PLEKHH2: variants seen among roughly 807,000 people sequenced by gnomAD.
PLEKHH2 encodes the protein pleckstrin homology, MyTH4 and FERM domain containing H2.
A neutral mutation model predicts 187.9 loss-of-function variants in PLEKHH2; 129 were observed. The ratio of observed to expected loss-of-function variants is 0.69; its 90% CI spans 0.59 to 0.79. The LOEUF is 0.79. PLEKHH2 is among the 30% of genes least tolerant of loss of function. PLEKHH2 has a pLI of 0.00. For synonymous variants in PLEKHH2, 686 were observed against 605.6 expected, an observed-to-expected ratio of 1.13 and a Z score of -1.95; for missense variants, 2,076 against 1,751.2, an observed-to-expected ratio of 1.19 and a Z score of -3.31.
At position 43,696,265 on chromosome 2, in the gene PLEKHH2, G is replaced by A. The variant is rs550206754; in HGVS notation, c.503-906G>A. ...AGGTGAGAGGACTGCTTGAGGCCAG[G>A]AGTTTGAGACCAGCCTTGGCAATAT... is the stretch of plus-strand genomic sequence containing the variant. On this transcript the variant is annotated intron_variant, in intron 6 of 29. Transcript: ENST00000282406. Among the ~76,000 whole-genome samples the A allele has an allele frequency of 1.1e-3, 169 of 152,230 alleles. 1 individual carries two copies. Among genetic ancestry groups the A allele is most frequent in the African/African-American group, 3.8e-3 (159 of 41,552 alleles).
intron 11 of PLEKHH2, among the ~76,000 whole-genome samples, chr2:43,708,499 G>A (rs1482350708): frequency 6.6e-6 from 1 of 152,166 alleles, no homozygotes; most frequent in African/African-American, 2.4e-5. Context: ...CTTTCTCAAT[G>A]AGGTCCACCC....
At chr2:43,642,256 T>C (rs1665974283) in intron 1 of PLEKHH2, among the ~76,000 whole-genome samples, 1 of 152,220 alleles carries the variant, frequency 6.6e-6, no homozygotes, top group Admixed American at 6.5e-5. Context: ...AATATTTTCT[T>C]ATTTTCATTT....
At chr2:43,726,843 G>C (rs1348597917) in intron 17 of PLEKHH2, among the ~76,000 whole-genome samples, 1 of 152,042 alleles carries the variant, frequency 6.6e-6, no homozygotes, top group Non-Finnish European at 1.5e-5. Flanking sequence ...TGTACATGTA[G>C]TCATTTATGA....
intron 3 of PLEKHH2, among the ~76,000 whole-genome samples, chr2:43,692,008 T>C (rs1314353952): frequency 1.3e-5 from 2 of 152,216 alleles, no homozygotes; most frequent in African/African-American, 4.8e-5. Context: ...ATTTTTATTT[T>C]TTATGATTCC....
intron 16 of PLEKHH2, among the ~76,000 whole-genome samples, chr2:43,723,423 A>C (rs1670583602): frequency 6.6e-6 from 1 of 152,232 alleles, no homozygotes; most frequent in South Asian, 2.1e-4. Flanking sequence ...AATTGTGAAA[A>C]TGTGACAAGG....
In PLEKHH2 at chr2:43,644,684, T is replaced by G; in HGVS notation, c.11T>G (p.Leu4Arg). The G allele has an allele frequency of 6.3e-7, 1 of 1,590,150 alleles. No individual in the cohort carries two copies. Residue 4 changes from leucine (L) to arginine (R), a missense_variant, in exon 2 of 30, where the codon CTT becomes CGT. Leu to Arg is a moderately radical substitution (Grantham distance 102, BLOSUM62 -2). Transcript: ENST00000282406. The stretch of plus-strand genomic sequence containing the variant: ...TAATTTTTTTAGAATATGGCAGAGC[T>G]TTCTGAGCCAGAGGGACCAGTAGAT... MAE[L>R]SEPEGPVDWK... is the part of the protein sequence containing the mutation.
chr2:43,696,935 T>C (rs900764765), intron 6 of PLEKHH2, among the ~76,000 whole-genome samples: 1 of 152,202 alleles, frequency 6.6e-6, no homozygotes, highest in African/African-American at 2.4e-5. Context: ...TTAGATATTT[T>C]TCTTTCTCCA....
chr2:43,720,849 ATCTT>A (rs2104545108), intron 16 of PLEKHH2, 100 bp downstream of exon 16: 5 of 1,475,040 alleles, frequency 3.4e-6, no homozygotes, highest in Non-Finnish European at 3.6e-6. Flanking sequence ...AAACTTCAGA[ATCTT>A]TATGAGGTTG....
At chr2:43,760,358 C>A (rs13412732) in intron 27 of PLEKHH2, among the ~76,000 whole-genome samples, 1,283 of 103,732 alleles carry the variant, frequency 0.012, 26 homozygotes, top group Admixed American at 0.014. Flanking sequence ...TACCCTTTAA[C>A]CTTTTTTTTT....
intron 19 of PLEKHH2, among the ~76,000 whole-genome samples, chr2:43,735,382 A>G (rs1027499375): frequency 2.6e-5 from 4 of 152,184 alleles, no homozygotes; most frequent in Non-Finnish European, 5.9e-5. Context: ...TGGATCTCAT[A>G]GAGGTAGATG....
intron 18 of PLEKHH2, among the ~76,000 whole-genome samples, chr2:43,730,908 C>T (rs1030675993): frequency 2.6e-5 from 4 of 152,182 alleles, no homozygotes; most frequent in Non-Finnish European, 5.9e-5. Flanking sequence ...AGATCTTTCC[C>T]CAGCTCTTTC....
Position 43,765,681 on chromosome 2 carries a change from G to C in PLEKHH2, c.*83G>C. On this transcript the variant is annotated 3_prime_UTR_variant, in exon 30 of 30. Transcript: ENST00000282406. ...CCTACAAGTTCGTTTACACCTGGCAGCACGGCAGCCACACACCGGTATTCC... is the reference window on the plus strand; with the variant it reads ...CCTACAAGTTCGTTTACACCTGGCACCACGGCAGCCACACACCGGTATTCC... 7.4e-7 allele frequency: 1 copy of C among 1,359,408 alleles called. No individual in the cohort carries two copies. The highest frequency in any genetic ancestry group is 1.5e-5 in the South Asian group (1 of 66,956). The allele number at this position is 1,359,408 out of a possible 1,614,324, so 84.2% of individuals were successfully genotyped here. A position where few individuals can be genotyped will look rare whatever the true frequency, so the allele number is the denominator to read the frequency against.
chr2:43,678,861 A>G lies in PLEKHH2; in HGVS notation c.124-2A>G. 1 of 1,598,050 alleles carries G rather than the reference A, an allele frequency of 6.3e-7. No individual in the cohort carries two copies. Among genetic ancestry groups the G allele is most frequent in the East Asian group, 2.2e-5 (1 of 44,626 alleles). ...GTATTTATATTTTCCCTCACTCTAC[A>G]GATGCAACAGCTTGAGAGACAAGTT... is the stretch of plus-strand genomic sequence containing the variant. On this transcript the variant is annotated splice_acceptor_variant, in intron 2 of 29. Transcript: ENST00000282406. LOFTEE classifies it high-confidence loss of function.
intron 16 of PLEKHH2, among the ~76,000 whole-genome samples, chr2:43,721,184 TTC>T (rs1490424620): frequency 3.3e-5 from 5 of 152,214 alleles, no homozygotes; most frequent in African/African-American, 9.6e-5. Context: ...CCTGTTTATA[TTC>T]TGTTTATTAA....
intron 19 of PLEKHH2, among the ~76,000 whole-genome samples, chr2:43,732,589 C>T (rs181109597): frequency 6.6e-6 from 1 of 152,238 alleles, no homozygotes; most frequent in African/African-American, 2.4e-5. Flanking sequence ...AGCTTCAATT[C>T]GAACATCTCT....
chr2:43,709,903 A>T (rs1300248346), intron 11 of PLEKHH2, 87 bp from the exon 12 acceptor site: 4 of 1,278,852 alleles, frequency 3.1e-6, no homozygotes, highest in South Asian at 1.6e-5. Context: ...ATTTAGGAAT[A>T]ATTGCATTCT....
chr2:43,692,378 A>G (rs1668842573), intron 3 of PLEKHH2, 136 bp from the exon 4 acceptor site: 2 of 651,004 alleles, frequency 3.1e-6, no homozygotes, highest in Non-Finnish European at 5.1e-6. Context: ...CATTAAATAT[A>G]TTAAACCTTG....
At chr2:43,756,019 T>C (rs892651828) in intron 25 of PLEKHH2, among the ~76,000 whole-genome samples, 3 of 152,184 alleles carry the variant, frequency 2.0e-5, no homozygotes, top group African/African-American at 7.2e-5. Context: ...ATGCAAGGAC[T>C]TTCAAGATCT....
Position 43,751,450 on chromosome 2 carries a change from T to C in PLEKHH2, c.3654-2169T>C, listed in dbSNP as rs144322139. Among the ~76,000 whole-genome samples, 675 of 152,352 alleles carry C rather than the reference T, an allele frequency of 4.4e-3. 4 individuals are homozygous for C. The highest frequency in any genetic ancestry group is 0.015 in the African/African-American group (641 of 41,576). Reference sequence around the variant, plus strand: ...AAGGGCAACAGTAGGAAATAAATGCTCTGAAGAATGAATATGGATCCAGTT... The same window carrying C: ...AAGGGCAACAGTAGGAAATAAATGCCCTGAAGAATGAATATGGATCCAGTT... On this transcript the variant is annotated intron_variant, in intron 24 of 29. Coordinates refer to ENST00000282406, the MANE Select transcript of PLEKHH2 (RefSeq NM_172069.4).
Sources: gnomAD v4.1 joint callset for allele counts (sites outside exome capture counted in the v4.1 genomes callset) on GRCh38, gnomAD v4.1.1 for gene constraint, MANE v1.5 for transcripts, NCBI Gene and HGNC (gene_info 2026-07-23, HGNC 2026-07-21) for gene names.